Variants in PTPRD observed in about 807,000 individuals in gnomAD.
PTPRD encodes protein tyrosine phosphatase receptor type D, also known as receptor-type tyrosine-protein phosphatase delta.
In PTPRD, 34 loss-of-function variants were observed where a neutral mutation model predicts 214.5. The observed-to-expected ratio is 0.16, with a 90% CI of 0.12 to 0.21. The LOEUF is 0.21. PTPRD is among the 10% of genes least tolerant of loss of function. The pLI, the probability that PTPRD is intolerant of heterozygous loss-of-function variation, is 1.00. For synonymous variants in PTPRD, 1,128 were observed against 845.7 expected, an observed-to-expected ratio of 1.33 and a Z score of -5.79; for missense variants, 2,545 against 2,398.7, an observed-to-expected ratio of 1.06 and a Z score of -1.27.
intron 5 of PTPRD, among the ~76,000 whole-genome samples, chr9:9,870,934 CAA>C (rs1275929098): frequency 1.3e-5 from 2 of 151,922 alleles, no homozygotes; most frequent in Non-Finnish European, 2.9e-5. Flanking sequence ...GTTTGTGTGG[CAA>C]AGAGTTGGAG....
chr9:9,063,419 C>A (rs2099711340), intron 10 of PTPRD, among the ~76,000 whole-genome samples: 1 of 152,080 alleles, frequency 6.6e-6, no homozygotes, highest in Non-Finnish European at 1.5e-5. Flanking sequence ...AGGATTTAGC[C>A]CTCACAGGTG....
At chr9:9,335,405 T>C (rs997701309) in intron 9 of PTPRD, among the ~76,000 whole-genome samples, 12 of 152,226 alleles carry the variant, frequency 7.9e-5, no homozygotes, top group African/African-American at 2.9e-4. Context: ...TTAAAATTTT[T>C]ACCTTTATTG....
intron 11 of PTPRD, among the ~76,000 whole-genome samples, chr9:8,800,942 A>T (rs1465768580): frequency 6.6e-6 from 1 of 152,232 alleles, no homozygotes. Flanking sequence ...TGGGAAACCT[A>T]GGCAGGCAGT....
intron 12 of PTPRD, among the ~76,000 whole-genome samples, chr9:8,638,703 C>A (rs2096502760): frequency 6.6e-6 from 1 of 151,890 alleles, no homozygotes; most frequent in Admixed American, 6.6e-5. Flanking sequence ...TGCTTATGTT[C>A]AAAAATATTA....
At chr9:9,919,213 C>A (rs2081842535) in intron 5 of PTPRD, among the ~76,000 whole-genome samples, 1 of 152,000 alleles carries the variant, frequency 6.6e-6, no homozygotes, top group Admixed American at 6.6e-5. Context: ...TGATTTAGCA[C>A]CTCTTAAAAA....
chr9:8,530,186 C>T (rs184270773), intron 14 of PTPRD, among the ~76,000 whole-genome samples: 113 of 152,112 alleles, frequency 7.4e-4, no homozygotes, highest in African/African-American at 2.4e-3. Context: ...CACCGTGTTG[C>T]CAGTCAACAG....
At chr9:9,950,201 AAC>A (rs1292263362) in intron 4 of PTPRD, among the ~76,000 whole-genome samples, 7 of 152,242 alleles carry the variant, frequency 4.6e-5, no homozygotes, top group African/African-American at 1.7e-4. Context: ...ATTTGTCTTA[AAC>A]CTGTGCAACA....
chr9:8,588,617 A>C (rs1456764741), intron 14 of PTPRD, among the ~76,000 whole-genome samples: 2 of 152,220 alleles, frequency 1.3e-5, no homozygotes, highest in African/African-American at 2.4e-5. Context: ...ATTTAGGAGA[A>C]AAGATATTTT....
intron 2 of PTPRD, among the ~76,000 whole-genome samples, chr9:10,492,172 T>C (rs556357918): frequency 1.3e-5 from 2 of 152,296 alleles, no homozygotes; most frequent in South Asian, 4.1e-4. Context: ...ACAATAAATA[T>C]ATGTGTGTAT....
At chr9:10,410,904 C>G (rs2098427200) in intron 2 of PTPRD, among the ~76,000 whole-genome samples, 1 of 151,622 alleles carries the variant, frequency 6.6e-6, no homozygotes, top group African/African-American at 2.4e-5. Flanking sequence ...CTAAACTTAC[C>G]ACATGAATTA....
chr9:8,581,541 T>G (rs2093098879), intron 14 of PTPRD, among the ~76,000 whole-genome samples: 1 of 146,324 alleles, frequency 6.8e-6, no homozygotes, highest in Non-Finnish European at 1.5e-5. Context: ...GAGGTCAGGA[T>G]ATTGAGACCA....
chr9:10,098,556 C>G (rs151010801), intron 3 of PTPRD, among the ~76,000 whole-genome samples: 6 of 151,790 alleles, frequency 4.0e-5, no homozygotes, highest in African/African-American at 1.4e-4. Flanking sequence ...TGAGCGCACA[C>G]TCTCATATTT....
chr9:8,957,273 C>T (rs1464542671), intron 11 of PTPRD, among the ~76,000 whole-genome samples: 1 of 151,790 alleles, frequency 6.6e-6, no homozygotes, highest in Admixed American at 6.6e-5. Flanking sequence ...TCCAGAAAAA[C>T]ACTCAGATTT....
intron 11 of PTPRD, among the ~76,000 whole-genome samples, chr9:8,760,096 A>G (rs781133923): frequency 3.9e-5 from 6 of 152,142 alleles, no homozygotes; most frequent in Non-Finnish European, 8.8e-5. Flanking sequence ...ACGCCCAGCT[A>G]ATTCTTGTGT....
At chr9:10,104,985 T>C (rs2098609216) in intron 3 of PTPRD, among the ~76,000 whole-genome samples, 1 of 151,798 alleles carries the variant, frequency 6.6e-6, no homozygotes, top group Non-Finnish European at 1.5e-5. Context: ...CACATTTTTC[T>C]CCCTTTGTAT....
intron 7 of PTPRD, among the ~76,000 whole-genome samples, chr9:9,613,705 T>A (rs541443183): frequency 7.2e-5 from 11 of 152,182 alleles, no homozygotes; most frequent in Non-Finnish European, 1.6e-4. Context: ...CATGGACTAG[T>A]AGCATGGGCA....
chr9:10,074,120 A>T (rs2098087488), intron 3 of PTPRD, among the ~76,000 whole-genome samples: 1 of 152,130 alleles, frequency 6.6e-6, no homozygotes, highest in South Asian at 2.1e-4. Flanking sequence ...CCACAATTTC[A>T]GTTATTCAAA....
intron 8 of PTPRD, among the ~76,000 whole-genome samples, chr9:9,563,770 T>C (rs535645051): frequency 3.3e-5 from 5 of 152,286 alleles, no homozygotes; most frequent in African/African-American, 1.2e-4. Flanking sequence ...AATACATTGG[T>C]ATGCCCAAGT....
chr9:8,983,077 C>CT (rs1229275778), intron 11 of PTPRD, among the ~76,000 whole-genome samples: 2 of 151,798 alleles, frequency 1.3e-5, no homozygotes, highest in African/African-American at 2.4e-5. Flanking sequence ...TACACTTTTT[C>CT]TTTTTTTCAT....
Sources: allele counts gnomAD v4.1 joint callset (sites outside exome capture counted in the v4.1 genomes callset), GRCh38; gene constraint gnomAD v4.1.1; transcripts MANE v1.5; gene names NCBI Gene and HGNC (gene_info 2026-07-23, HGNC 2026-07-21).